Variants in GRIA4 observed in about 807,000 individuals in gnomAD.
The protein encoded by GRIA4 is glutamate receptor 4.
GRIA4 carries 34 observed loss-of-function variants against 104.0 expected under a neutral mutation model. The observed-to-expected ratio is 0.33, with a 90% CI of 0.25 to 0.44. The LOEUF is 0.44. Ranked by LOEUF, GRIA4 falls within the 20% of genes least tolerant of loss-of-function variation. The probability of loss-of-function intolerance (pLI) is 1.00; values close to 1 mark genes in which losing one functional copy is unlikely to be tolerated. For synonymous variants in GRIA4, 386 were observed against 381.9 expected (o/e 1.01, Z -0.13); for missense variants, 750 against 1,096.5 (o/e 0.68, Z 4.46).
chr11:105,932,724 G>A (rs1227026236), intron 13 of GRIA4, among the ~76,000 whole-genome samples: 2 of 152,066 alleles, frequency 1.3e-5, no homozygotes, highest in African/African-American at 4.8e-5. Flanking sequence ...TCTCTTTAAA[G>A]TTCAATATAT....
At chr11:105,896,931 T>C (rs945874481) in intron 6 of GRIA4, among the ~76,000 whole-genome samples, 1 of 152,186 alleles carries the variant, frequency 6.6e-6, no homozygotes, top group Admixed American at 6.5e-5. Flanking sequence ...AATTGTTCTT[T>C]CTAGTTCTGC....
chr11:105,803,036 A>G (rs972380124), intron 4 of GRIA4, among the ~76,000 whole-genome samples: 47 of 152,130 alleles, frequency 3.1e-4, no homozygotes, highest in Non-Finnish European at 5.7e-4. Flanking sequence ...AAGACCTTTC[A>G]ACTCAAAAGA....
At chr11:105,665,111 C>T (rs1952125607) in intron 3 of GRIA4, among the ~76,000 whole-genome samples, 1 of 151,932 alleles carries the variant, frequency 6.6e-6, no homozygotes. Flanking sequence ...TTAGCAATTA[C>T]TAAAAATGAA....
intron 3 of GRIA4, among the ~76,000 whole-genome samples, chr11:105,683,188 T>G (rs1427600349): frequency 6.6e-6 from 1 of 152,114 alleles, no homozygotes; most frequent in Non-Finnish European, 1.5e-5. Context: ...TTTTAGGTAT[T>G]TAATGCGATT....
intron 4 of GRIA4, among the ~76,000 whole-genome samples, chr11:105,797,266 C>A (rs1942517906): frequency 6.6e-6 from 1 of 151,942 alleles, no homozygotes; most frequent in African/African-American, 2.4e-5. Flanking sequence ...AATAGTATAG[C>A]ATTTGTGTTT....
chr11:105,632,595 G>C (rs927754500), intron 3 of GRIA4, among the ~76,000 whole-genome samples: 3 of 152,076 alleles, frequency 2.0e-5, no homozygotes, highest in Admixed American at 2.0e-4. Flanking sequence ...AACTTGCCTT[G>C]ATTTTACTAG....
chr11:105,883,611 A>T (rs1463544472), intron 5 of GRIA4, among the ~76,000 whole-genome samples: 1 of 152,070 alleles, frequency 6.6e-6, no homozygotes, highest in Non-Finnish European at 1.5e-5. Context: ...CAAACTCATC[A>T]TTTTTTATGG....
chr11:105,789,557 T>A (rs1942125043), intron 4 of GRIA4, among the ~76,000 whole-genome samples: 1 of 152,140 alleles, frequency 6.6e-6, no homozygotes, highest in South Asian at 2.1e-4. Context: ...ATAATCAGCC[T>A]TGGTGCTGGA....
At chr11:105,966,117 C>A in intron 14 of GRIA4, 3 of 1,206,314 alleles carry the variant, frequency 2.5e-6, no homozygotes, top group Non-Finnish European at 3.7e-6. Context: ...ATAGGTGCAT[C>A]TGCTGGGAGA....
intron 5 of GRIA4, among the ~76,000 whole-genome samples, chr11:105,883,179 G>A (rs1160648083): frequency 6.6e-6 from 1 of 151,722 alleles, no homozygotes. Context: ...ATTTTGGTAA[G>A]GATTATCATC....
At chr11:105,733,669 G>A (rs1012564247) in intron 3 of GRIA4, among the ~76,000 whole-genome samples, 4 of 151,932 alleles carry the variant, frequency 2.6e-5, no homozygotes, top group Non-Finnish European at 4.4e-5. Flanking sequence ...TGTTGGTCAG[G>A]CTGGTCTCAA....
At chr11:105,673,841 G>A (rs1189223572) in intron 3 of GRIA4, among the ~76,000 whole-genome samples, 2 of 151,752 alleles carry the variant, frequency 1.3e-5, no homozygotes, top group Non-Finnish European at 2.9e-5. Flanking sequence ...ATTATACTTA[G>A]AAATTTTATC....
chr11:105,722,843 C>T (rs939283299), intron 3 of GRIA4, among the ~76,000 whole-genome samples: 7 of 152,020 alleles, frequency 4.6e-5, no homozygotes, highest in Non-Finnish European at 1.0e-4. Context: ...ATCTCTTCCA[C>T]CAAATTTACA....
Position 105,802,905 on chromosome 11 carries a change from C to T in GRIA4, c.487+49685C>T, listed in dbSNP as rs998335242. ...TAGATATTATGTAATATTTTATACA[C>T]ATATGCACACATATATACTAAAATC... On this transcript the variant is annotated intron_variant, in intron 4 of 16. Transcript: ENST00000282499. Among the ~76,000 whole-genome samples, 4 of 151,662 alleles carry T rather than the reference C, an allele frequency of 2.6e-5. No individual in the cohort carries two copies. The South Asian group carries it at 6.2e-4, about 24-fold the overall frequency.
intron 4 of GRIA4, among the ~76,000 whole-genome samples, chr11:105,790,277 TACCTTTATAGAAGCCAA>T (rs1176556170): frequency 6.6e-6 from 1 of 152,198 alleles, no homozygotes. Context: ...AGACATCTGT[TACCTTTATAGAAGCCAA>T]TGCACATTGC....
At chr11:105,782,663 T>C (rs1022396202) in intron 4 of GRIA4, among the ~76,000 whole-genome samples, 3 of 152,160 alleles carry the variant, frequency 2.0e-5, no homozygotes, top group African/African-American at 4.8e-5. Context: ...GAAGACTGCA[T>C]TGAACAGAGA....
chr11:105,951,944 C>T (rs974317179), intron 14 of GRIA4, among the ~76,000 whole-genome samples: 1 of 152,060 alleles, frequency 6.6e-6, no homozygotes, highest in African/African-American at 2.4e-5. Context: ...GCCTGGGCAA[C>T]AGAGTGAGAC....
At chr11:105,842,445 G>A (rs1268776339) in intron 4 of GRIA4, among the ~76,000 whole-genome samples, 2 of 152,178 alleles carry the variant, frequency 1.3e-5, no homozygotes, top group African/African-American at 2.4e-5. Flanking sequence ...CAGTAACTGA[G>A]GTAAGAGATG....
Position 105,979,498 on chromosome 11 carries a change from T to A in GRIA4, c.2545-77T>A. ...CTAATTATTTATATTTCGGTGTTTG[T>A]TGTGGAACATATTGTTGAAGAAACA... On this transcript the variant is annotated intron_variant, in intron 16 of 16. Transcript: ENST00000282499. The A allele has an allele frequency of 2.4e-6, 3 of 1,262,408 alleles. No individual in the cohort carries two copies. In the South Asian group the frequency reaches 3.8e-5, roughly 16 times the overall value. The allele number at this position is 1,262,408 out of a possible 1,614,324, so 78.2% of individuals were successfully genotyped here.
Sources: allele counts gnomAD v4.1 joint callset (sites outside exome capture counted in the v4.1 genomes callset), GRCh38; gene constraint gnomAD v4.1.1; transcripts MANE v1.5; gene names NCBI Gene and HGNC (gene_info 2026-07-23, HGNC 2026-07-21).